The following ITGB6 variants were observed in gnomAD, a reference collection of about 807,000 sequenced individuals.
ITGB6 encodes integrin beta-6.
In ITGB6, 80 loss-of-function variants were observed where a neutral mutation model predicts 84.5. The ratio of observed to expected loss-of-function variants is 0.95; its 90% CI spans 0.79 to 1.14. The LOEUF (loss-of-function observed/expected upper bound fraction) is 1.14. ITGB6 is among the 50% of genes most tolerant of loss of function. The pLI is 0.00. For missense variants in ITGB6, 1,006 were observed against 968.0 expected (o/e 1.04, Z -0.52); for synonymous variants, 383 against 354.9 (o/e 1.08, Z -0.89).
chr2:160,132,278 G>T (rs1044029582), intron 10 of ITGB6, among the ~76,000 whole-genome samples: 1 of 152,094 alleles, frequency 6.6e-6, no homozygotes, highest in African/African-American at 2.4e-5. Flanking sequence ...AATGAAAAGG[G>T]AGAGAAATGT....
At chr2:160,106,424 A>G (rs901429569) in intron 14 of ITGB6, among the ~76,000 whole-genome samples, 8 of 152,008 alleles carry the variant, frequency 5.3e-5, no homozygotes. Context: ...TTCTTTTTGT[A>G]GGGATGGGTT....
rs116844126 is a variant in ITGB6, at chr2:160,113,768, G to A, written c.1982-1569C>T. 1.6e-4 allele frequency among the ~76,000 whole-genome samples: 24 copies of A among 152,314 alleles called. No homozygotes were observed. In the East Asian group the frequency reaches 1.7e-3, roughly 11 times the overall value. On this transcript the variant is annotated intron_variant, in intron 12 of 14. Coordinates refer to ENST00000283249, the MANE Select transcript of ITGB6 (RefSeq NM_000888.5). ...CTGATTAAGAGATTTGGTGAGATGT[G>A]TGTTATTTCATATATTTGATTGCAA...
chr2:160,129,485 T>C (rs2105805779), intron 10 of ITGB6, among the ~76,000 whole-genome samples: 1 of 151,876 alleles, frequency 6.6e-6, no homozygotes, highest in Non-Finnish European at 1.5e-5. Flanking sequence ...AGACAGTATA[T>C]AACAGTGTTT....
At chr2:160,194,290 T>C in intron 4 of ITGB6, among the ~76,000 whole-genome samples, 1 of 152,336 alleles carries the variant, frequency 6.6e-6, no homozygotes, top group South Asian at 2.1e-4. Context: ...AATTATTTTT[T>C]ATTATGTTAG....
At chr2:160,178,570 G>T (rs1301016180) in intron 4 of ITGB6, among the ~76,000 whole-genome samples, 2 of 152,146 alleles carry the variant, frequency 1.3e-5, no homozygotes, top group Non-Finnish European at 2.9e-5. Context: ...TGATAGGAGA[G>T]CTAAAGCAAA....
intron 4 of ITGB6, among the ~76,000 whole-genome samples, chr2:160,178,438 A>AT (rs958262011): frequency 2.0e-5 from 3 of 152,310 alleles, no homozygotes; most frequent in Non-Finnish European, 2.9e-5. Flanking sequence ...TAGCAGTCCT[A>AT]TTTTTTGTGA....
rs1686332167 is a variant in ITGB6, at chr2:160,196,280, T to C, written c.282A>G (p.Arg94=). 6.2e-7 allele frequency: 1 copy of C among 1,614,132 alleles called. No individual in the cohort carries two copies. The highest frequency in any genetic ancestry group is 1.7e-5 in the Admixed American group (1 of 60,032). Reference sequence around the variant, plus strand: ...GAACAATGTCAGAACTATTTTTCTGTCTGCCTACACTGAGAGGCTTATTTT... The same window carrying C: ...GAACAATGTCAGAACTATTTTTCTGCCTGCCTACACTGAGAGGCTTATTTT... ...ILKNKPLSVG[R]QKNSSDIVQI... is the part of the protein sequence containing the mutation. The change falls in exon 3 of 15, where the codon AGA becomes AGG. Residue 94 remains arginine (R), a synonymous_variant. Transcript: ENST00000283249.
chr2:160,161,773 C>T (rs192179060), intron 7 of ITGB6, among the ~76,000 whole-genome samples: 3 of 152,256 alleles, frequency 2.0e-5, no homozygotes, highest in African/African-American at 7.2e-5. Flanking sequence ...TTTGGTCATA[C>T]TTCCACACTA....
intron 4 of ITGB6, among the ~76,000 whole-genome samples, chr2:160,180,625 G>A (rs1356180386): frequency 6.6e-6 from 1 of 152,208 alleles, no homozygotes; most frequent in Non-Finnish European, 1.5e-5. Context: ...CAGTAATTCA[G>A]AGATGTCATT....
chr2:160,139,935 A>T (rs977180272), intron 8 of ITGB6, among the ~76,000 whole-genome samples: 4 of 152,154 alleles, frequency 2.6e-5, no homozygotes, highest in East Asian at 1.9e-4. Flanking sequence ...AGGTTTTTTT[A>T]AAATATCAAT....
chr2:160,121,199 A>G (rs1373429005), intron 12 of ITGB6, among the ~76,000 whole-genome samples: 1 of 152,224 alleles, frequency 6.6e-6, no homozygotes, highest in Non-Finnish European at 1.5e-5. Context: ...CAAACAAACA[A>G]CAATGTTTCC....
intron 14 of ITGB6, among the ~76,000 whole-genome samples, chr2:160,102,600 T>C (rs1696761480): frequency 6.6e-6 from 1 of 152,198 alleles, no homozygotes; most frequent in Non-Finnish European, 1.5e-5. Flanking sequence ...GGTGTGGGAC[T>C]CTTGGGTAGC....
At chr2:160,114,748 C>G (rs925391037) in intron 12 of ITGB6, among the ~76,000 whole-genome samples, 2 of 152,358 alleles carry the variant, frequency 1.3e-5, no homozygotes, top group South Asian at 4.1e-4. Flanking sequence ...GTTCCCTTTC[C>G]TAGTCAAAGA....
At position 160,195,609 on chromosome 2, in the gene ITGB6, G is replaced by C; in HGVS notation, c.353C>G (p.Ala118Gly). 6.2e-7 allele frequency: 1 copy of C among 1,613,784 alleles called. No individual in the cohort carries two copies. The highest frequency in any genetic ancestry group is 8.5e-7 in the Non-Finnish European group (1 of 1,179,950). The stretch of plus-strand genomic sequence containing the variant: ...GCGGACATGCACCTGCAGAGTCTGC[G>C]CACCACCTGCAAAGCCCAACAGGAA... ...SLILKLRPGG[A>G]QTLQVHVRQT... Residue 118 changes from alanine (A) to glycine (G), a missense_variant, in exon 4 of 15, where the codon GCG becomes GGG. Ala to Gly is a moderately conservative substitution (Grantham distance 60). Coordinates refer to ENST00000283249, the MANE Select transcript of ITGB6 (RefSeq NM_000888.5).
Position 160,123,734 on chromosome 2 carries a change from A to T in ITGB6, c.1981+57T>A. On this transcript the variant is annotated intron_variant, in intron 12 of 14. Coordinates refer to ENST00000283249, the MANE Select transcript of ITGB6 (RefSeq NM_000888.5). The stretch of plus-strand genomic sequence containing the variant: ...GCCCTCGATTCACAGAGGGTCAAGA[A>T]CTACGCCTCTCAAGAACTACATAAG... 3.0e-6 allele frequency: 4 copies of T among 1,323,916 alleles called. No homozygotes were observed. The East Asian group carries it at 9.2e-5, about 30-fold the overall frequency. 82.0% of individuals were successfully genotyped at this position (1,323,916 alleles called of 1,614,324 possible).
intron 12 of ITGB6, among the ~76,000 whole-genome samples, chr2:160,113,925 T>C (rs776800137): frequency 1.3e-5 from 2 of 152,176 alleles, no homozygotes; most frequent in South Asian, 2.1e-4. Context: ...TTGGACTGTT[T>C]TCTTGCTTCT....
intron 2 of ITGB6, among the ~76,000 whole-genome samples, chr2:160,197,901 C>G (rs1192920685): frequency 6.6e-6 from 1 of 152,234 alleles, no homozygotes; most frequent in East Asian, 1.9e-4. Flanking sequence ...CCAACTGCCT[C>G]GACTGGCATC....
At chr2:160,180,528 G>T (rs972732900) in intron 4 of ITGB6, among the ~76,000 whole-genome samples, 6 of 152,190 alleles carry the variant, frequency 3.9e-5, no homozygotes, top group Non-Finnish European at 8.8e-5. Flanking sequence ...TGTGATGGGG[G>T]TTTGGTGTGG....
At chr2:160,193,416 G>A (rs990178051) in intron 4 of ITGB6, among the ~76,000 whole-genome samples, 3 of 152,126 alleles carry the variant, frequency 2.0e-5, no homozygotes, top group Non-Finnish European at 4.4e-5. Context: ...ATAAAATTCA[G>A]GAATAGGCAA....
Sources: gnomAD v4.1 joint callset for allele counts (sites outside exome capture counted in the v4.1 genomes callset) on GRCh38, gnomAD v4.1.1 for gene constraint, MANE v1.5 for transcripts, NCBI Gene and HGNC (gene_info 2026-07-23, HGNC 2026-07-21) for gene names.